Variants in CSMD1 observed in about 807,000 individuals in gnomAD.
The protein encoded by CSMD1 is CUB and sushi domain-containing protein 1.
CSMD1 carries 213 observed loss-of-function variants against 417.5 expected under a neutral mutation model. The ratio of observed to expected loss-of-function variants is 0.51; its 90% CI spans 0.46 to 0.57. The LOEUF (loss-of-function observed/expected upper bound fraction) is 0.57, where lower values mean the gene tolerates loss of function less well. Among genes scored for constraint, CSMD1 ranks in the 20% least tolerant of loss-of-function variants. The pLI, the probability that CSMD1 is intolerant of heterozygous loss-of-function variation, is 0.00. For synonymous variants in CSMD1, 2,862 were observed against 1,736.8 expected (o/e 1.65, Z -16.11); for missense variants, 6,923 against 4,529.7 (o/e 1.53, Z -15.17).
intron 12 of CSMD1, among the ~76,000 whole-genome samples, chr8:3,413,760 G>C (rs1250740683): frequency 3.9e-5 from 6 of 152,276 alleles, no homozygotes; most frequent in Middle Eastern, 3.4e-3. Context: ...TAGAAGATGA[G>C]TAAGATACTG....
At chr8:3,542,869 C>T (rs941437030) in intron 10 of CSMD1, among the ~76,000 whole-genome samples, 28 of 152,162 alleles carry the variant, frequency 1.8e-4, no homozygotes, top group African/African-American at 6.5e-4. Context: ...TTCCCGTGTC[C>T]CTCAGCTACG....
chr8:4,444,061 G>A, intron 2 of CSMD1, among the ~76,000 whole-genome samples: 1 of 152,106 alleles, frequency 6.6e-6, no homozygotes, highest in East Asian at 1.9e-4. Context: ...GATAGAGGTG[G>A]CCTGGCACAG....
intron 46 of CSMD1, among the ~76,000 whole-genome samples, chr8:3,103,277 C>G (rs547502902): frequency 1.3e-5 from 2 of 152,254 alleles, no homozygotes; most frequent in East Asian, 3.9e-4. Context: ...AACTCTCTTC[C>G]TCCTCAGTTT....
intron 1 of CSMD1, among the ~76,000 whole-genome samples, chr8:4,710,226 A>C (rs1000638792): frequency 6.6e-6 from 1 of 151,970 alleles, no homozygotes; most frequent in Non-Finnish European, 1.5e-5. Flanking sequence ...GTGTGCTCTT[A>C]TTCAAGGTAC....
At chr8:3,252,457 A>T (rs1052399833) in intron 26 of CSMD1, among the ~76,000 whole-genome samples, 9 of 152,164 alleles carry the variant, frequency 5.9e-5, no homozygotes, top group African/African-American at 2.2e-4. Context: ...TGTTGGATTC[A>T]CTTTGCCAGT....
At chr8:3,497,372 T>G (rs1363129597) in intron 10 of CSMD1, among the ~76,000 whole-genome samples, 1 of 152,040 alleles carries the variant, frequency 6.6e-6, no homozygotes, top group Non-Finnish European at 1.5e-5. Context: ...ATTTTTGTCT[T>G]TGTCTCATTT....
At chr8:3,666,062 A>T (rs1324343775) in intron 7 of CSMD1, among the ~76,000 whole-genome samples, 4 of 152,122 alleles carry the variant, frequency 2.6e-5, no homozygotes, top group Middle Eastern at 3.4e-3. Context: ...CACCTGGCTA[A>T]TTTTTGTATC....
At chr8:4,202,235 C>T (rs144785471) in intron 3 of CSMD1, among the ~76,000 whole-genome samples, 1 of 152,150 alleles carries the variant, frequency 6.6e-6, no homozygotes, top group East Asian at 1.9e-4. Context: ...ATGAATTATG[C>T]CTTATCTTCA....
In CSMD1 at chr8:3,969,848, G is replaced by A. The variant is rs1294026622; in HGVS notation, c.818+28055C>T. Among the ~76,000 whole-genome samples, 4 of 152,236 alleles carry A rather than the reference G, an allele frequency of 2.6e-5. No individual in the cohort carries two copies. The South Asian group carries it at 8.3e-4, about 32-fold the overall frequency. On this transcript the variant is annotated intron_variant, in intron 5 of 69. Coordinates refer to ENST00000635120, the MANE Select transcript of CSMD1 (RefSeq NM_033225.6). ...TTTTAAATGAAGTATCCATCTATAA[G>A]TGCATTTCTAGAAAGCTGTCAAATT...
intron 7 of CSMD1, among the ~76,000 whole-genome samples, chr8:3,620,060 C>G (rs998514794): frequency 6.6e-6 from 1 of 152,038 alleles, no homozygotes; most frequent in African/African-American, 2.4e-5. Flanking sequence ...TGAGACTGTG[C>G]CCCTGCATTC....
chr8:3,931,242 T>A (rs1012206583), intron 5 of CSMD1, among the ~76,000 whole-genome samples: 1 of 150,614 alleles, frequency 6.6e-6, no homozygotes, highest in African/African-American at 2.4e-5. Context: ...ATACATTTTG[T>A]TAGTTTCTCA....
At position 3,705,130 on chromosome 8, in the gene CSMD1, AATCTGGGGACACC is replaced by A. The variant is rs568085734; in HGVS notation, c.1009+3271_1009+3283del. 1.7e-4 allele frequency among the ~76,000 whole-genome samples: 26 copies of A among 152,322 alleles called. No homozygotes were observed. The South Asian group carries it at 4.8e-3, about 28-fold the overall frequency. ...CAAAGGCTCTGTTTGCAAAAGGGTG[AATCTGGGGACACC>A]ACCAGGGACAGGGCAGTGGCAGGGG... On this transcript the variant is annotated intron_variant, in intron 7 of 69. Coordinates refer to ENST00000635120, the MANE Select transcript of CSMD1 (RefSeq NM_033225.6).
chr8:3,441,683 G>C (rs886131378), intron 12 of CSMD1, among the ~76,000 whole-genome samples: 1 of 152,030 alleles, frequency 6.6e-6, no homozygotes, highest in East Asian at 1.9e-4. Context: ...GGTGATGCTG[G>C]TGTAAATAAA....
At chr8:4,769,140 T>G (rs1039815924) in intron 1 of CSMD1, among the ~76,000 whole-genome samples, 1 of 152,196 alleles carries the variant, frequency 6.6e-6, no homozygotes, top group Non-Finnish European at 1.5e-5. Context: ...ACCTTGACCA[T>G]TTATTTCACC....
chr8:4,416,021 C>T lies in CSMD1; in HGVS notation c.415+3932G>A, dbSNP rs545767130. Among the ~76,000 whole-genome samples, 15 of 152,240 alleles carry T rather than the reference C, an allele frequency of 9.9e-5. No individual in the cohort carries two copies. The South Asian group carries it at 3.1e-3, about 32-fold the overall frequency. On this transcript the variant is annotated intron_variant, in intron 3 of 69. Coordinates refer to ENST00000635120, the MANE Select transcript of CSMD1 (RefSeq NM_033225.6). ...TTCTCTACGTGATAATAATAGATCA[C>T]CTTATTTCACTTAGACAATTTCCGT... is the stretch of plus-strand genomic sequence containing the variant.
At chr8:4,285,644 T>A (rs1585159154) in intron 3 of CSMD1, among the ~76,000 whole-genome samples, 2 of 152,130 alleles carry the variant, frequency 1.3e-5, no homozygotes, top group African/African-American at 4.8e-5. Context: ...GCACAGATGG[T>A]TGGTCTTTGC....
intron 20 of CSMD1, among the ~76,000 whole-genome samples, chr8:3,363,574 C>A (rs1038606564): frequency 6.6e-6 from 1 of 152,020 alleles, no homozygotes; most frequent in Non-Finnish European, 1.5e-5. Flanking sequence ...ATTGCCGAGG[C>A]TGGAGTGCAG....
intron 54 of CSMD1, among the ~76,000 whole-genome samples, chr8:2,985,366 G>T (rs1176407355): frequency 6.6e-6 from 1 of 151,308 alleles, no homozygotes; most frequent in African/African-American, 2.4e-5. Context: ...ACCACGTGAG[G>T]CAGGAGACTG....
chr8:4,746,326 G>T (rs1049922704), intron 1 of CSMD1, among the ~76,000 whole-genome samples: 2 of 152,220 alleles, frequency 1.3e-5, no homozygotes, highest in Non-Finnish European at 2.9e-5. Context: ...AATAGCGACT[G>T]TAGGCACTTT....
Sources: allele counts gnomAD v4.1 joint callset (sites outside exome capture counted in the v4.1 genomes callset), GRCh38; gene constraint gnomAD v4.1.1; transcripts MANE v1.5; gene names NCBI Gene and HGNC (gene_info 2026-07-23, HGNC 2026-07-21).